Variants in GNA15 observed in about 807,000 individuals in gnomAD.
The protein encoded by GNA15 is guanine nucleotide-binding protein subunit alpha-15.
A neutral mutation model predicts 40.1 loss-of-function variants in GNA15; 23 were observed. The ratio of observed to expected loss-of-function variants is 0.57; its 90% CI spans 0.41 to 0.81. GNA15 has a LOEUF of 0.81. GNA15 is among the 40% of genes least tolerant of loss of function. The pLI, the probability that GNA15 is intolerant of heterozygous loss-of-function variation, is 0.00. For synonymous variants in GNA15, 226 were observed against 210.4 expected (o/e 1.07, Z -0.64); for missense variants, 522 against 515.8 (o/e 1.01, Z -0.12).
At chr19:3,148,844 A>C in intron 2 of GNA15, 69 bp downstream of exon 2, 1 of 1,441,798 alleles carries the variant, frequency 6.9e-7, no homozygotes, top group Non-Finnish European at 9.3e-7. Flanking sequence ...CAGACCCCGG[A>C]GCAGGGCCAA....
At position 3,151,761 on chromosome 19, in the gene GNA15, G is replaced by A. The variant is rs1384667724; in HGVS notation, c.540G>A (p.Gln180=). 3 of 1,612,688 alleles carry A rather than the reference G, an allele frequency of 1.9e-6. No individual in the cohort carries two copies. The highest frequency in any genetic ancestry group is 1.7e-6 in the Non-Finnish European group (2 of 1,179,618). Reference sequence around the variant, plus strand: ...AGGAGGGCTACGTCCCCACAGCTCAGGACGTGCTCCGCAGCCGCATGCCCA... The same window carrying A: ...AGGAGGGCTACGTCCCCACAGCTCAAGACGTGCTCCGCAGCCGCATGCCCA... The part of the protein sequence containing the change: ...ITEEGYVPTA[Q]DVLRSRMPTT... Residue 180 remains glutamine, a synonymous_variant, in exon 4 of 7, where the codon CAG becomes CAA. Coordinates refer to ENST00000262958, the MANE Select transcript of GNA15 (RefSeq NM_002068.4). The surrounding 1 kb of genome is among the most constrained non-coding windows in gnomAD (Gnocchi z 5.0).
chr19:3,156,334 C>A (rs1340733309), intron 5 of GNA15, among the ~76,000 whole-genome samples: 2 of 152,010 alleles, frequency 1.3e-5, no homozygotes, highest in Non-Finnish European at 2.9e-5. Context: ...AACACATGCA[C>A]ACGAACACAC....
intron 2 of GNA15, 195 bp from the exon 3 acceptor site, chr19:3,149,935 TC>T: frequency 1.8e-6 from 1 of 545,896 alleles, no homozygotes; most frequent in East Asian, 3.3e-5. Flanking sequence ...TCTGTGCTTT[TC>T]CCTCTGGGGA....
chr19:3,146,016 G>A (rs1483957138), intron 1 of GNA15, among the ~76,000 whole-genome samples: 1 of 152,122 alleles, frequency 6.6e-6, no homozygotes, highest in Non-Finnish European at 1.5e-5. Context: ...TTGGGGAGAT[G>A]GGAGGTGACA....
At chr19:3,162,406 T>C (rs1194661684) in intron 6 of GNA15, among the ~76,000 whole-genome samples, 3 of 145,220 alleles carry the variant, frequency 2.1e-5, no homozygotes, top group Non-Finnish European at 3.0e-5. Flanking sequence ...AAAAGAGGAC[T>C]CTCTTCCCCT....
chr19:3,143,058 C>T (rs1198961300), intron 1 of GNA15: 1 of 152,060 alleles, frequency 6.6e-6, no homozygotes, highest in African/African-American at 2.4e-5. Flanking sequence ...GTTAATGACA[C>T]CTACCCCAGC....
At chr19:3,158,959 T>C (rs892528700) in intron 6 of GNA15, among the ~76,000 whole-genome samples, 5 of 152,172 alleles carry the variant, frequency 3.3e-5, no homozygotes. Context: ...TAATCTTTCA[T>C]AGTGATCTCA....
intron 1 of GNA15, among the ~76,000 whole-genome samples, chr19:3,148,030 C>T (rs1914775969): frequency 6.6e-6 from 1 of 152,000 alleles, no homozygotes. Flanking sequence ...TTCATTTGGC[C>T]CTCAGTTTGA....
intron 1 of GNA15, among the ~76,000 whole-genome samples, chr19:3,147,246 A>G (rs1350319660): frequency 2.0e-5 from 3 of 152,194 alleles, no homozygotes; most frequent in African/African-American, 7.2e-5. Context: ...ACATATTAGT[A>G]TTGTTATGAT....
intron 1 of GNA15, among the ~76,000 whole-genome samples, chr19:3,137,671 A>G (rs1251526464): frequency 6.6e-6 from 1 of 152,144 alleles, no homozygotes; most frequent in East Asian, 1.9e-4. Context: ...AGTCCCTGCT[A>G]CTCGGGAGGC....
chr19:3,150,214 G>A lies in GNA15; in HGVS notation c.414G>A (p.Leu138=), dbSNP rs1185011825. 3.1e-6 allele frequency: 5 copies of A among 1,612,114 alleles called. No individual in the cohort carries two copies. The highest frequency in any genetic ancestry group is 2.5e-6 in the Non-Finnish European group (3 of 1,179,286). ...GCTACGCTGCGGCCATGCAGTGGCT[G>A]TGGAGGGATGCCGGCATCCGGGCCT... ...EKRYAAAMQW[L]WRDAGIRACY... The change falls in exon 3 of 7, where the codon CTG becomes CTA. Residue 138 remains leucine, a synonymous_variant. Transcript: ENST00000262958.
In GNA15 at chr19:3,138,261, C is replaced by T. The variant is rs142487689; in HGVS notation, c.145+1666C>T. On this transcript the variant is annotated intron_variant, in intron 1 of 6. Transcript: ENST00000262958. ...AGCCTGGGCAACAAGAACAAAACTC[C>T]GTCTCAAAAAAAAAAAAATTCTGAT... Among the ~76,000 whole-genome samples, 355 of 151,512 alleles carry T rather than the reference C, an allele frequency of 2.3e-3. 4 individuals are homozygous for T. The South Asian group carries it at 0.027, about 12-fold the overall frequency.
At position 3,155,683 on chromosome 19, in the gene GNA15, C is replaced by T. The variant is rs1914994950; in HGVS notation, c.615-140C>T. 1.1e-6 allele frequency: 1 copy of T among 949,258 alleles called. No homozygotes were observed. Among genetic ancestry groups the T allele is most frequent in the Non-Finnish European group, 1.6e-6 (1 of 633,824 alleles). The allele number at this position is 949,258 out of a possible 1,614,324, so 58.8% of individuals were successfully genotyped here. On this transcript the variant is annotated intron_variant, in intron 4 of 6. Transcript: ENST00000262958. The surrounding 1 kb of genome is among the most constrained non-coding windows in gnomAD (Gnocchi z 5.6). ...ACTCATCCTTGCCTCGCGGGAATGA[C>T]ATGGCAAATCCACGAGAGGCTAGCA...
intron 5 of GNA15, among the ~76,000 whole-genome samples, chr19:3,157,004 C>CT (rs201757258): frequency 1.5e-4 from 22 of 148,932 alleles, no homozygotes; most frequent in East Asian, 7.8e-4. Flanking sequence ...CCTTATTGTA[C>CT]TTTTTTTTTT....
chr19:3,136,832 A>G lies in GNA15; in HGVS notation c.145+237A>G, dbSNP rs1914469328. ...AGCGGCCAGGTGCCCAGGCCTGTCC[A>G]CTGTGTGGGGCATATACAATAGCAG... On this transcript the variant is annotated intron_variant, in intron 1 of 6. Transcript: ENST00000262958. This position sits in a 1 kb window ranked among gnomAD's most constrained non-coding sequence, Gnocchi z 4.9. Among the ~76,000 whole-genome samples, 1 of 152,242 alleles carries G rather than the reference A, an allele frequency of 6.6e-6. No individual in the cohort carries two copies. Among genetic ancestry groups the G allele is most frequent in the Non-Finnish European group, 1.5e-5 (1 of 68,030 alleles).
intron 1 of GNA15, among the ~76,000 whole-genome samples, chr19:3,141,103 G>T (rs1049232033): frequency 1.1e-5 from 1 of 89,822 alleles, no homozygotes. Context: ...GGACCAGGGT[G>T]GGGGTGGGTC....
At chr19:3,154,659 G>A (rs913551633) in intron 4 of GNA15, among the ~76,000 whole-genome samples, 1 of 151,332 alleles carries the variant, frequency 6.6e-6, no homozygotes, top group Admixed American at 6.6e-5. Context: ...TGGGTGGATG[G>A]ATGATGGATG....
rs558950443 is a variant in GNA15 at position 3,144,722 on chromosome 19, G to A, written c.146-3869G>A. ...TTTTTGTATTTTTAGTAGAGACGGG[G>A]TTTCACCGTGTTAGCCAGGATGGTC... On this transcript the variant is annotated intron_variant, in intron 1 of 6. Transcript: ENST00000262958. Among the ~76,000 whole-genome samples the A allele has an allele frequency of 1.6e-3, 244 of 151,556 alleles. 1 individual carries two copies. Among genetic ancestry groups the A allele is most frequent in the African/African-American group, 5.2e-3 (213 of 41,270 alleles).
chr19:3,156,439 A>G (rs550219497), intron 5 of GNA15, among the ~76,000 whole-genome samples: 2 of 149,854 alleles, frequency 1.3e-5, no homozygotes, highest in Non-Finnish European at 3.0e-5. Flanking sequence ...ATGCACACAC[A>G]CAGTACACAC....
Sources: allele counts gnomAD v4.1 joint callset (sites outside exome capture counted in the v4.1 genomes callset), GRCh38; gene constraint gnomAD v4.1.1; non-coding constraint Gnocchi (gnomAD v3.1); transcripts MANE v1.5; gene names NCBI Gene and HGNC (gene_info 2026-07-23, HGNC 2026-07-21).